The following TEAD1 variants were observed in gnomAD, a reference collection of about 807,000 sequenced individuals.
TEAD1 encodes TEA domain transcription factor 1.
A neutral mutation model predicts 54.9 loss-of-function variants in TEAD1; 9 were observed. The observed-to-expected ratio is 0.16, with a 90% confidence interval of 0.10 to 0.29. The LOEUF (loss-of-function observed/expected upper bound fraction) is 0.29. TEAD1 is among the 10% of genes least tolerant of loss of function. TEAD1 has a pLI of 1.00. For missense variants in TEAD1, 387 were observed against 535.9 expected (o/e 0.72, Z 2.74); for synonymous variants, 200 against 187.8 (o/e 1.07, Z -0.53).
chr11:12,727,259 A>G (rs1944331159), intron 2 of TEAD1, among the ~76,000 whole-genome samples: 1 of 152,168 alleles, frequency 6.6e-6, no homozygotes, highest in Non-Finnish European at 1.5e-5. Flanking sequence ...TCTACTAGAA[A>G]CTGTAAAATG....
Position 12,924,761 on chromosome 11 carries a change from T to C in TEAD1, c.874-151T>C, listed in dbSNP as rs752036297. 6 of 879,422 alleles carry C rather than the reference T, an allele frequency of 6.8e-6. No individual in the cohort carries two copies. The Admixed American group carries it at 8.9e-5, about 13-fold the overall frequency. The allele number at this position is 879,422 out of a possible 1,614,324, so 54.5% of individuals were successfully genotyped here. On this transcript the variant is annotated intron_variant, in intron 10 of 12. Transcript: ENST00000527636. ...AGCAAACTCTTTAAAAAACGACAGA[T>C]GGGTATTGAACTTGTTTCTAGATGA...
In TEAD1 at chr11:12,939,598, C is replaced by G. The variant is rs1321354707; in HGVS notation, c.*2376C>G. 6.6e-6 allele frequency: 1 copy of G among 152,246 alleles called. No individual in the cohort carries two copies. Among genetic ancestry groups the G allele is most frequent in the Non-Finnish European group, 1.5e-5 (1 of 68,048 alleles). 9.4% of individuals were successfully genotyped at this position (152,246 alleles called of 1,614,324 possible). A position where few individuals can be genotyped will look rare whatever the true frequency, so the allele number is the denominator to read the frequency against. The stretch of plus-strand genomic sequence containing the variant: ...GACGGGGACAGCCCAGTCTGCTGAC[C>G]TCACAGGGTCAGCTGGGCCCCCCTG... On this transcript the variant is annotated 3_prime_UTR_variant, in exon 13 of 13. Transcript: ENST00000527636.
chr11:12,930,453 C>T, intron 12 of TEAD1, 127 bp downstream of exon 12: 1 of 1,162,240 alleles, frequency 8.6e-7, no homozygotes, highest in Non-Finnish European at 1.3e-6. Flanking sequence ...GATTGGGTTC[C>T]TAGTGGTCAG....
chr11:12,792,534 A>G (rs901440994), intron 3 of TEAD1, among the ~76,000 whole-genome samples: 3 of 152,150 alleles, frequency 2.0e-5, no homozygotes, highest in African/African-American at 7.2e-5. Flanking sequence ...AATTGTTCTC[A>G]GGACTCTGCT....
intron 2 of TEAD1, among the ~76,000 whole-genome samples, chr11:12,716,337 G>C (rs1376810803): frequency 2.4e-5 from 3 of 123,942 alleles, no homozygotes; most frequent in Admixed American, 1.4e-4. Context: ...GGAGTTCACG[G>C]GGGGGTTCCT....
chr11:12,911,304 C>A (rs1948613346), intron 10 of TEAD1, among the ~76,000 whole-genome samples: 2 of 152,124 alleles, frequency 1.3e-5, no homozygotes, highest in Non-Finnish European at 2.9e-5. Flanking sequence ...GCAGAACAGA[C>A]CCCACCCCCA....
At chr11:12,715,281 A>G (rs1944032222) in intron 2 of TEAD1, among the ~76,000 whole-genome samples, 1 of 152,070 alleles carries the variant, frequency 6.6e-6, no homozygotes, top group Non-Finnish European at 1.5e-5. Context: ...AGGGATGGAA[A>G]AGCCTCGTGA....
chr11:12,729,073 G>T (rs1944370407), intron 2 of TEAD1, among the ~76,000 whole-genome samples: 1 of 152,226 alleles, frequency 6.6e-6, no homozygotes, highest in South Asian at 2.1e-4. Context: ...TATTAGAGGA[G>T]CCTTGCCATT....
intron 9 of TEAD1, among the ~76,000 whole-genome samples, chr11:12,890,809 G>A (rs1948183569): frequency 6.6e-6 from 1 of 152,174 alleles, no homozygotes; most frequent in South Asian, 2.1e-4. Flanking sequence ...TCGTCGCCCA[G>A]GCTGGAGTAC....
At chr11:12,864,792 G>C in intron 4 of TEAD1, 46 bp from the exon 5 acceptor site, 2 of 1,613,702 alleles carry the variant, frequency 1.2e-6, no homozygotes, top group Non-Finnish European at 1.7e-6. Flanking sequence ...TCATCTCCAT[G>C]GTTACAGGCT....
intron 3 of TEAD1, among the ~76,000 whole-genome samples, chr11:12,770,484 A>G (rs770967676): frequency 1.3e-5 from 2 of 152,224 alleles, no homozygotes; most frequent in Non-Finnish European, 2.9e-5. Context: ...GATGGGGACA[A>G]CAGACATAAA....
chr11:12,719,354 A>G (rs1944131388), intron 2 of TEAD1, among the ~76,000 whole-genome samples: 1 of 151,946 alleles, frequency 6.6e-6, no homozygotes, highest in African/African-American at 2.4e-5. Context: ...AGTGGCTTCT[A>G]TATGCTCACA....
At chr11:12,842,388 G>T (rs1947059536) in intron 3 of TEAD1, among the ~76,000 whole-genome samples, 1 of 152,216 alleles carries the variant, frequency 6.6e-6, no homozygotes, top group Non-Finnish European at 1.5e-5. Context: ...GATTTGAGGA[G>T]AAATCTTTGG....
intron 2 of TEAD1, among the ~76,000 whole-genome samples, chr11:12,756,986 A>G (rs1944996024): frequency 1.3e-5 from 2 of 152,148 alleles, no homozygotes; most frequent in Admixed American, 6.5e-5. Context: ...CTTTTCTCCT[A>G]TGAGAGAAAT....
At chr11:12,879,520 T>C (rs1301586074) in intron 5 of TEAD1, 188 bp from the exon 6 acceptor site, 4 of 729,902 alleles carry the variant, frequency 5.5e-6, no homozygotes, top group Non-Finnish European at 7.2e-6. Context: ...TCCCAGTAAA[T>C]GTTGAGAGGT....
intron 3 of TEAD1, among the ~76,000 whole-genome samples, chr11:12,839,149 G>A (rs571334806): frequency 7.9e-5 from 12 of 151,616 alleles, no homozygotes; most frequent in Admixed American, 3.9e-4. Flanking sequence ...GGTGGCTTAC[G>A]CCTATAATCT....
At chr11:12,688,169 T>C (rs1417097057) in intron 2 of TEAD1, among the ~76,000 whole-genome samples, 1 of 152,134 alleles carries the variant, frequency 6.6e-6, no homozygotes, top group Non-Finnish European at 1.5e-5. Flanking sequence ...ATTTCTCTCT[T>C]CCCACCCAGG....
intron 11 of TEAD1, among the ~76,000 whole-genome samples, chr11:12,928,123 C>T (rs996712542): frequency 3.9e-5 from 6 of 152,080 alleles, no homozygotes; most frequent in East Asian, 1.9e-4. Context: ...AAGTTGTTGA[C>T]ATAACAAGTT....
intron 2 of TEAD1, among the ~76,000 whole-genome samples, chr11:12,684,088 C>T (rs2133814952): frequency 6.6e-6 from 1 of 152,212 alleles, no homozygotes; most frequent in African/African-American, 2.4e-5. Context: ...GAGGAACACC[C>T]AAGGCTGAGG....
Sources: gnomAD v4.1 joint callset for allele counts (sites outside exome capture counted in the v4.1 genomes callset) on GRCh38, gnomAD v4.1.1 for gene constraint, MANE v1.5 for transcripts, NCBI Gene and HGNC (gene_info 2026-07-23, HGNC 2026-07-21) for gene names.